Variants in KCNMB2 observed in about 807,000 individuals in gnomAD.
KCNMB2 encodes calcium-activated potassium channel subunit beta-2.
A neutral mutation model predicts 24.5 loss-of-function variants in KCNMB2; 9 were observed. That is an observed-to-expected ratio of 0.37 (90% confidence interval 0.22 to 0.64). The LOEUF is 0.64. Ranked by LOEUF, KCNMB2 falls within the 30% of genes least tolerant of loss-of-function variation. The pLI is 0.63. For synonymous variants in KCNMB2, 109 were observed against 104.4 expected, an observed-to-expected ratio of 1.04 and a Z score of -0.27; for missense variants, 226 against 284.3, an observed-to-expected ratio of 0.79 and a Z score of 1.47.
chr3:178,811,253 C>A (rs1714181047), intron 2 of KCNMB2, among the ~76,000 whole-genome samples: 1 of 152,094 alleles, frequency 6.6e-6, no homozygotes, highest in African/African-American at 2.4e-5. Flanking sequence ...AGGTACCCAT[C>A]ATTCAGTTTA....
At chr3:178,655,769 G>C (rs1223566884) in intron 1 of KCNMB2, among the ~76,000 whole-genome samples, 3 of 152,218 alleles carry the variant, frequency 2.0e-5, no homozygotes, top group African/African-American at 7.2e-5. Context: ...CTTCTAAGCA[G>C]ACAAATTGGT....
At chr3:178,575,711 C>T (rs1041336574) in intron 1 of KCNMB2, among the ~76,000 whole-genome samples, 5 of 152,176 alleles carry the variant, frequency 3.3e-5, no homozygotes, top group African/African-American at 1.2e-4. Flanking sequence ...CCACCAATCT[C>T]ACTTTTTAGA....
chr3:178,545,842 T>G (rs1262446623), intron 1 of KCNMB2, among the ~76,000 whole-genome samples: 2 of 152,044 alleles, frequency 1.3e-5, no homozygotes, highest in African/African-American at 4.8e-5. Context: ...CAGAAGAAAA[T>G]AATACCTAAT....
chr3:178,759,299 ATATATAT>A (rs1711570483), intron 1 of KCNMB2, among the ~76,000 whole-genome samples: 1 of 111,606 alleles, frequency 9.0e-6, no homozygotes, highest in Non-Finnish European at 1.8e-5. Flanking sequence ...GAGGAGACAT[ATATATAT>A]CTCCAAGAGG....
intron 3 of KCNMB2, among the ~76,000 whole-genome samples, chr3:178,826,315 T>C (rs1714831607): frequency 6.6e-6 from 1 of 152,236 alleles, no homozygotes; most frequent in South Asian, 2.1e-4. Context: ...TCAGATTTAA[T>C]TGGTCCGGAG....
chr3:178,576,230 G>A (rs1307419962), intron 1 of KCNMB2, among the ~76,000 whole-genome samples: 1 of 151,960 alleles, frequency 6.6e-6, no homozygotes, highest in Non-Finnish European at 1.5e-5. Context: ...GCCTCACCCA[G>A]GAAGCACAAG....
At chr3:178,722,765 T>C (rs143485632) in intron 1 of KCNMB2, among the ~76,000 whole-genome samples, 199 of 152,204 alleles carry the variant, frequency 1.3e-3, no homozygotes, top group African/African-American at 4.5e-3. Context: ...TGGTGATGCA[T>C]GCTTGTGGTC....
At chr3:178,695,144 G>A (rs1187373151) in intron 1 of KCNMB2, among the ~76,000 whole-genome samples, 1 of 152,246 alleles carries the variant, frequency 6.6e-6, no homozygotes, top group African/African-American at 2.4e-5. Context: ...CCAGGGCTTG[G>A]GGTTTGCACC....
chr3:178,696,859 A>AC (rs1721898257), intron 1 of KCNMB2, among the ~76,000 whole-genome samples: 5 of 152,034 alleles, frequency 3.3e-5, no homozygotes, highest in African/African-American at 4.8e-5. Context: ...CTTTTACCAA[A>AC]TAGTAAACAA....
Position 178,699,030 on chromosome 3 carries a change from C to T in KCNMB2, c.-67-108313C>T, listed in dbSNP as rs73047876. On this transcript the variant is annotated intron_variant, in intron 1 of 4. Coordinates refer to ENST00000452583, the MANE Select transcript of KCNMB2 (RefSeq NM_181361.3). ...GCAGCTGCAGCAGAGTGCTAGCAGACGCAGGGCTGCCTGCCATCCTGTGGG... is the reference window on the plus strand; with the variant it reads ...GCAGCTGCAGCAGAGTGCTAGCAGATGCAGGGCTGCCTGCCATCCTGTGGG... Among the ~76,000 whole-genome samples, 718 of 152,322 alleles carry T rather than the reference C, an allele frequency of 4.7e-3. 4 individuals are homozygous for T. The highest frequency in any genetic ancestry group is 0.016 in the African/African-American group (671 of 41,572).
At chr3:178,699,836 C>T (rs1459331662) in intron 1 of KCNMB2, among the ~76,000 whole-genome samples, 1 of 152,252 alleles carries the variant, frequency 6.6e-6, no homozygotes, top group East Asian at 1.9e-4. Context: ...CACCACTTCT[C>T]TAGGCAGCTC....
chr3:178,714,484 G>C (rs1328025126), intron 1 of KCNMB2, among the ~76,000 whole-genome samples: 1 of 152,220 alleles, frequency 6.6e-6, no homozygotes, highest in Non-Finnish European at 1.5e-5. Flanking sequence ...TGGAGGACCA[G>C]TGGGAATTTT....
chr3:178,751,573 C>CAAAAAAAAAAAAAAAA (rs61148761), intron 1 of KCNMB2, among the ~76,000 whole-genome samples: 1 of 47,694 alleles, frequency 2.1e-5, no homozygotes. Context: ...GACTCCGTCT[C>CAAAAAAAAAAAAAAAA]AAAAAAAAAA....
intron 1 of KCNMB2, among the ~76,000 whole-genome samples, chr3:178,725,870 T>C (rs1722950733): frequency 6.6e-6 from 1 of 151,934 alleles, no homozygotes; most frequent in Admixed American, 6.6e-5. Flanking sequence ...ATGTAGTTGG[T>C]TTATTTTTTT....
In KCNMB2 at chr3:178,824,591, A is replaced by G. The variant is rs371329181; in HGVS notation, c.57-997A>G. ...GGGTTTCACCATGTTAGCCAGGATG[A>G]TCTCAATCGTCTGATCTTGTGATCC... On this transcript the variant is annotated intron_variant, in intron 2 of 4. Coordinates refer to ENST00000452583, the MANE Select transcript of KCNMB2 (RefSeq NM_181361.3). 1,097 of 166,118 alleles carry G rather than the reference A, an allele frequency of 6.6e-3. 9 individuals are homozygous for G. The highest frequency in any genetic ancestry group is 0.015 in the African/African-American group (629 of 41,336). 10.3% of individuals were successfully genotyped at this position (166,118 alleles called of 1,614,324 possible).
At chr3:178,720,855 G>A (rs1722781024) in intron 1 of KCNMB2, among the ~76,000 whole-genome samples, 1 of 150,840 alleles carries the variant, frequency 6.6e-6, no homozygotes, top group African/African-American at 2.4e-5. Context: ...AAATTTGTTT[G>A]AGTTCATTGT....
intron 1 of KCNMB2, among the ~76,000 whole-genome samples, chr3:178,649,507 T>C (rs1347116374): frequency 1.3e-5 from 2 of 152,116 alleles, no homozygotes; most frequent in African/African-American, 2.4e-5. Flanking sequence ...TGGGCTTTTT[T>C]TTTTGGTTGG....
chr3:178,834,772 T>C (rs1715164617), intron 4 of KCNMB2, among the ~76,000 whole-genome samples: 1 of 152,106 alleles, frequency 6.6e-6, no homozygotes, highest in Non-Finnish European at 1.5e-5. Flanking sequence ...GACCATAGAT[T>C]CAGAAACACT....
intron 1 of KCNMB2, among the ~76,000 whole-genome samples, chr3:178,716,813 G>A (rs937509617): frequency 1.3e-5 from 2 of 152,278 alleles, no homozygotes; most frequent in Non-Finnish European, 2.9e-5. Context: ...AGTAACTGCA[G>A]GAAGTTGGGA....
Sources: allele counts gnomAD v4.1 joint callset (sites outside exome capture counted in the v4.1 genomes callset), GRCh38; gene constraint gnomAD v4.1.1; transcripts MANE v1.5; gene names NCBI Gene and HGNC (gene_info 2026-07-23, HGNC 2026-07-21).